The following RABGAP1L variants were observed in gnomAD, a reference collection of about 807,000 sequenced individuals.
The protein encoded by RABGAP1L is RAB GTPase activating protein 1 like.
RABGAP1L carries 63 observed loss-of-function variants against 137.7 expected under a neutral mutation model. The observed-to-expected ratio is 0.46, with a 90% CI of 0.37 to 0.56. RABGAP1L has a LOEUF of 0.56. RABGAP1L is among the 20% of genes least tolerant of loss of function. The probability of loss-of-function intolerance (pLI) is 0.00; values close to 1 mark genes in which losing one functional copy is unlikely to be tolerated. For missense variants in RABGAP1L, 1,095 were observed against 1,244.0 expected (o/e 0.88, Z 1.80); for synonymous variants, 431 against 433.7 (o/e 0.99, Z 0.08).
At chr1:174,818,417 A>G (rs912895428) in intron 19 of RABGAP1L, among the ~76,000 whole-genome samples, 84 of 152,352 alleles carry the variant, frequency 5.5e-4, no homozygotes, top group African/African-American at 1.9e-3. Context: ...ATATTTAACG[A>G]AAAGACATCC....
chr1:174,537,191 A>G (rs1396631985), intron 13 of RABGAP1L, among the ~76,000 whole-genome samples: 3 of 152,220 alleles, frequency 2.0e-5, no homozygotes, highest in Non-Finnish European at 4.4e-5. Context: ...TCAATTAAAA[A>G]TAGACTATAA....
chr1:174,246,281 A>G (rs1158828725), intron 5 of RABGAP1L: 1 of 152,218 alleles, frequency 6.6e-6, no homozygotes, highest in South Asian at 2.1e-4. Flanking sequence ...AGTATTTTCT[A>G]TAGATACTGT....
At chr1:174,954,862 T>C (rs1668283453) in intron 19 of RABGAP1L, among the ~76,000 whole-genome samples, 1 of 152,196 alleles carries the variant, frequency 6.6e-6, no homozygotes. Context: ...GCTTCCCCTT[T>C]TTCTATAGCT....
At chr1:174,585,030 C>G (rs1370075314) in intron 13 of RABGAP1L, among the ~76,000 whole-genome samples, 2 of 151,842 alleles carry the variant, frequency 1.3e-5, no homozygotes, top group Non-Finnish European at 2.9e-5. Flanking sequence ...ATATTTCATA[C>G]TATATTTGAA....
intron 13 of RABGAP1L, among the ~76,000 whole-genome samples, chr1:174,546,303 A>G (rs985261106): frequency 6.6e-6 from 1 of 152,224 alleles, no homozygotes; most frequent in South Asian, 2.1e-4. Flanking sequence ...ACTTACATAT[A>G]TTTTATCTAA....
At chr1:174,176,449 C>A (rs947032546) in intron 1 of RABGAP1L, among the ~76,000 whole-genome samples, 1 of 148,704 alleles carries the variant, frequency 6.7e-6, no homozygotes, top group Admixed American at 6.7e-5. Context: ...GTGGCTCACG[C>A]CTGTAATCCT....
intron 19 of RABGAP1L, among the ~76,000 whole-genome samples, chr1:174,836,077 T>G (rs1168855240): frequency 1.3e-5 from 2 of 152,272 alleles, no homozygotes; most frequent in Admixed American, 6.5e-5. Flanking sequence ...TGAGATTCTG[T>G]AATTCAACTG....
intron 23 of RABGAP1L, among the ~76,000 whole-genome samples, chr1:174,981,972 C>A (rs1280266262): frequency 6.6e-6 from 1 of 152,092 alleles, no homozygotes; most frequent in African/African-American, 2.4e-5. Context: ...AATGACTTTG[C>A]CCAAGCTCAC....
At chr1:174,842,847 A>G (rs1207542784) in intron 19 of RABGAP1L, among the ~76,000 whole-genome samples, 1 of 152,176 alleles carries the variant, frequency 6.6e-6, no homozygotes, top group Admixed American at 6.5e-5. Flanking sequence ...AATTTCATTT[A>G]CCATCATTTT....
At position 174,603,165 on chromosome 1, in the gene RABGAP1L, T is replaced by C. The variant is rs548893996; in HGVS notation, c.1711-34210T>C. Among the ~76,000 whole-genome samples, 15 of 152,288 alleles carry C rather than the reference T, an allele frequency of 9.8e-5. No individual in the cohort carries two copies. In the East Asian group the frequency reaches 2.5e-3, roughly 25 times the overall value. On this transcript the variant is annotated intron_variant, in intron 13 of 25. Transcript: ENST00000681986. ...TTGATCACTACAGCTATATCTGCAT[T>C]AGGGGGCATCTCAAACCAGTAACAC...
chr1:174,650,491 G>A (rs1372852814), intron 14 of RABGAP1L, among the ~76,000 whole-genome samples: 1 of 150,694 alleles, frequency 6.6e-6, no homozygotes. Flanking sequence ...GTAAGCTATT[G>A]ATTATTGCCA....
intron 20 of RABGAP1L, among the ~76,000 whole-genome samples, chr1:174,960,461 C>T (rs1373901980): frequency 6.6e-6 from 1 of 152,124 alleles, no homozygotes; most frequent in East Asian, 1.9e-4. Context: ...ACTTAAATCT[C>T]AACCACAAAG....
Position 174,864,615 on chromosome 1 carries a change from AC to A in RABGAP1L, c.2340+52660del, listed in dbSNP as rs537224238. On this transcript the variant is annotated intron_variant, in intron 19 of 25. Transcript: ENST00000681986. ...ATCACAAGAACAGCATGGGGGAACC[AC>A]CCCCATGATCTGGTCACCTCCCATG... Among the ~76,000 whole-genome samples, 182 of 152,198 alleles carry A rather than the reference AC, an allele frequency of 1.2e-3. 1 individual carries two copies. Among genetic ancestry groups the A allele is most frequent in the African/African-American group, 4.2e-3 (174 of 41,536 alleles).
At chr1:174,865,207 T>C (rs559510921) in intron 19 of RABGAP1L, among the ~76,000 whole-genome samples, 1 of 152,328 alleles carries the variant, frequency 6.6e-6, no homozygotes, top group South Asian at 2.1e-4. Flanking sequence ...TTGGGCATGA[T>C]GGCACATGCC....
At position 174,793,851 on chromosome 1, in the gene RABGAP1L, C is replaced by T. The variant is rs142129579; in HGVS notation, c.2212-17981C>T. ...GCTGGGATTACAGGTATGCAACCAC[C>T]ACACCCAGCTAATTTTTGTATTTTT... On this transcript the variant is annotated intron_variant, in intron 18 of 25. Coordinates refer to ENST00000681986, the MANE Select transcript of RABGAP1L (RefSeq NM_001366446.1). 1.8e-4 allele frequency among the ~76,000 whole-genome samples: 27 copies of T among 152,204 alleles called. 1 individual carries two copies. The Middle Eastern group carries it at 0.014, about 77-fold the overall frequency.
intron 5 of RABGAP1L, among the ~76,000 whole-genome samples, chr1:174,247,556 C>T (rs559505447): frequency 1.3e-5 from 2 of 152,334 alleles, no homozygotes; most frequent in Admixed American, 1.3e-4. Flanking sequence ...CAAATGGTAG[C>T]CATTAGAAAC....
chr1:174,721,115 G>C (rs1260880361), intron 17 of RABGAP1L, among the ~76,000 whole-genome samples: 1 of 152,096 alleles, frequency 6.6e-6, no homozygotes, highest in Admixed American at 6.5e-5. Flanking sequence ...CTTGTACATT[G>C]AAATGTGTTT....
chr1:174,677,343 TTATAA>T (rs1677715731), intron 14 of RABGAP1L, among the ~76,000 whole-genome samples: 1 of 152,144 alleles, frequency 6.6e-6, no homozygotes, highest in African/African-American at 2.4e-5. Flanking sequence ...CTTTTAGAAC[TTATAA>T]TAAACCATTG....
At chr1:174,813,404 T>A (rs1450815418) in intron 19 of RABGAP1L, among the ~76,000 whole-genome samples, 1 of 152,110 alleles carries the variant, frequency 6.6e-6, no homozygotes, top group East Asian at 1.9e-4. Context: ...GAGATAAGAG[T>A]CACCATCAAC....
Sources: gnomAD v4.1 joint callset for allele counts (sites outside exome capture counted in the v4.1 genomes callset) on GRCh38, gnomAD v4.1.1 for gene constraint, MANE v1.5 for transcripts, NCBI Gene and HGNC (gene_info 2026-07-23, HGNC 2026-07-21) for gene names.